CNTNAP5: variants seen among roughly 807,000 people sequenced by gnomAD.
The protein encoded by CNTNAP5 is contactin associated protein family member 5.
In CNTNAP5, 72 loss-of-function variants were observed where a neutral mutation model predicts 150.2. That is an observed-to-expected ratio of 0.48 (90% CI 0.40 to 0.58). The LOEUF (loss-of-function observed/expected upper bound fraction) is 0.58, where lower values mean the gene tolerates loss of function less well. Among genes scored for constraint, CNTNAP5 ranks in the 20% least tolerant of loss-of-function variants. The pLI, the probability that CNTNAP5 is intolerant of heterozygous loss-of-function variation, is 0.00. For missense variants in CNTNAP5, 1,636 were observed against 1,626.2 expected (o/e 1.01, Z -0.10); for synonymous variants, 672 against 619.8 (o/e 1.08, Z -1.25).
chr2:124,105,521 C>G (rs1429769174), intron 1 of CNTNAP5, among the ~76,000 whole-genome samples: 1 of 152,056 alleles, frequency 6.6e-6, no homozygotes, highest in African/African-American at 2.4e-5. Flanking sequence ...ATTTTTCTGA[C>G]CTACTCAAGT....
In CNTNAP5 at chr2:124,238,495, G is replaced by T. The variant is rs184211619; in HGVS notation, c.188-3705G>T. Among the ~76,000 whole-genome samples, 486 of 152,188 alleles carry T rather than the reference G, an allele frequency of 3.2e-3. 6 individuals are homozygous for T. Among genetic ancestry groups the T allele is most frequent in the Middle Eastern group, 0.02 (6 of 294 alleles). The stretch of plus-strand genomic sequence containing the variant: ...AAGACATAGCCTCCAAATCATTTTG[G>T]ATCTTTTGTTTGTCAAACATTTAAA... On this transcript the variant is annotated intron_variant, in intron 2 of 23. Transcript: ENST00000682447.
At chr2:124,547,185 G>A in intron 10 of CNTNAP5, among the ~76,000 whole-genome samples, 1 of 152,166 alleles carries the variant, frequency 6.6e-6, no homozygotes, top group East Asian at 1.9e-4. Context: ...GGCAGGCTTT[G>A]GGCTCAATAG....
At chr2:124,088,895 G>C (rs1682758013) in intron 1 of CNTNAP5, among the ~76,000 whole-genome samples, 1 of 152,176 alleles carries the variant, frequency 6.6e-6, no homozygotes, top group Non-Finnish European at 1.5e-5. Context: ...CATGAGTAAA[G>C]ATAGAGCCAC....
chr2:124,585,929 A>G (rs2104953987), intron 11 of CNTNAP5, among the ~76,000 whole-genome samples: 1 of 152,248 alleles, frequency 6.6e-6, no homozygotes, highest in East Asian at 1.9e-4. Context: ...CAACAACAGT[A>G]TCACTTGGTT....
chr2:124,433,328 G>A (rs1203991860), intron 4 of CNTNAP5, among the ~76,000 whole-genome samples: 1 of 152,132 alleles, frequency 6.6e-6, no homozygotes. Flanking sequence ...CAACATTTTG[G>A]TTAGGACACT....
chr2:124,872,415 T>TGTGTGC (rs1553450844), intron 21 of CNTNAP5, among the ~76,000 whole-genome samples: 1 of 144,004 alleles, frequency 6.9e-6, no homozygotes, highest in Non-Finnish European at 1.5e-5. Context: ...TGTGTGTGTG[T>TGTGTGC]GCGTGCATGT....
intron 1 of CNTNAP5, among the ~76,000 whole-genome samples, chr2:124,170,832 G>A (rs964703996): frequency 3.3e-5 from 5 of 151,892 alleles, no homozygotes; most frequent in Non-Finnish European, 7.4e-5. Flanking sequence ...AGAACAAATA[G>A]ACAGAGGGAG....
intron 17 of CNTNAP5, among the ~76,000 whole-genome samples, chr2:124,782,121 G>A (rs543075150): frequency 1.9e-4 from 28 of 151,180 alleles, no homozygotes; most frequent in South Asian, 2.1e-4. Flanking sequence ...TCCCCTTTCC[G>A]TCAGAGCATA....
chr2:124,394,334 T>C lies in CNTNAP5; in HGVS notation c.382-23109T>C, dbSNP rs1474108527. Among the ~76,000 whole-genome samples the C allele has an allele frequency of 8.4e-5, 12 of 142,904 alleles. No homozygotes were observed. The East Asian group carries it at 2.5e-3, about 29-fold the overall frequency. The allele number at this position is 142,904 out of a possible 152,430, so 93.8% of individuals were successfully genotyped here. A position where few individuals can be genotyped will look rare whatever the true frequency, so the allele number is the denominator to read the frequency against. On this transcript the variant is annotated intron_variant, in intron 3 of 23. Coordinates refer to ENST00000682447, the MANE Select transcript of CNTNAP5 (RefSeq NM_001367498.1). Reference sequence around the variant, plus strand: ...TTTCAGATAGCTGAGATGGTGCCACTGCACTCCAGCCTGGGTGACAGAGTG... The same window carrying C: ...TTTCAGATAGCTGAGATGGTGCCACCGCACTCCAGCCTGGGTGACAGAGTG...
chr2:124,701,076 G>T (rs989745323), intron 13 of CNTNAP5, among the ~76,000 whole-genome samples: 1 of 151,854 alleles, frequency 6.6e-6, no homozygotes, highest in Non-Finnish European at 1.5e-5. Context: ...TTACCTGTAT[G>T]GTCCTCATAA....
At chr2:124,510,506 T>TATATATATAC (rs1558933562) in intron 8 of CNTNAP5, among the ~76,000 whole-genome samples, 1 of 63,464 alleles carries the variant, frequency 1.6e-5, no homozygotes, top group Non-Finnish European at 3.2e-5. Flanking sequence ...TATATATATA[T>TATATATATAC]ATATATATAT....
rs1243782924 is a variant in CNTNAP5 at position 124,917,645 on chromosome 2, G to A, written c.*3357G>A. Among the ~76,000 whole-genome samples the A allele has an allele frequency of 6.6e-6, 1 of 151,926 alleles. No individual in the cohort carries two copies. The highest frequency in any genetic ancestry group is 1.9e-4 in the East Asian group (1 of 5,150). ...TTTGTCAGACTCATCTCCACCAACG[G>A]GTAGCAAGAGCAGGATAGAACAAAA... On this transcript the variant is annotated 3_prime_UTR_variant, in exon 24 of 24. Transcript: ENST00000682447.
chr2:124,905,395 A>G (rs1334163217), intron 22 of CNTNAP5, among the ~76,000 whole-genome samples: 1 of 151,824 alleles, frequency 6.6e-6, no homozygotes, highest in Non-Finnish European at 1.5e-5. Flanking sequence ...AAATATTAAA[A>G]CTCGAATCCT....
In CNTNAP5 at chr2:124,535,409, G is replaced by A. The variant is rs578223932; in HGVS notation, c.1649+7953G>A. On this transcript the variant is annotated intron_variant, in intron 10 of 23. Coordinates refer to ENST00000682447, the MANE Select transcript of CNTNAP5 (RefSeq NM_001367498.1). ...GGAGCACCACATTACATTTCTTGTG[G>A]CAAACAAGTTATGAAATGTAGCTTC... is the stretch of plus-strand genomic sequence containing the variant. 3.9e-5 allele frequency among the ~76,000 whole-genome samples: 6 copies of A among 152,216 alleles called. No homozygotes were observed. The South Asian group carries it at 1.2e-3, about 32-fold the overall frequency.
At chr2:124,285,684 T>A (rs542370689) in intron 3 of CNTNAP5, among the ~76,000 whole-genome samples, 3 of 150,356 alleles carry the variant, frequency 2.0e-5, no homozygotes, top group Admixed American at 2.0e-4. Context: ...GTACCTGTAG[T>A]CAGAGTTACT....
chr2:124,607,610 G>A (rs564945000), intron 11 of CNTNAP5, among the ~76,000 whole-genome samples: 10 of 152,292 alleles, frequency 6.6e-5, no homozygotes, highest in South Asian at 4.1e-4. Flanking sequence ...AGGTTGCCTA[G>A]CACAGGTGGG....
chr2:124,309,425 G>T lies in CNTNAP5; in HGVS notation c.381+67032G>T, dbSNP rs555966989. Among the ~76,000 whole-genome samples the T allele has an allele frequency of 2.3e-3, 350 of 152,334 alleles. 1 individual carries two copies. Among genetic ancestry groups the T allele is most frequent in the African/African-American group, 8.2e-3 (339 of 41,580 alleles). ...AAAATTGATAGAGGAGGCATGTCAG[G>T]AGTGAGATTGTTTGATGCCAGTGAA... On this transcript the variant is annotated intron_variant, in intron 3 of 23. Coordinates refer to ENST00000682447, the MANE Select transcript of CNTNAP5 (RefSeq NM_001367498.1).
At chr2:124,307,021 G>A (rs537047570) in intron 3 of CNTNAP5, among the ~76,000 whole-genome samples, 2 of 152,004 alleles carry the variant, frequency 1.3e-5, no homozygotes, top group African/African-American at 4.8e-5. Context: ...AGCCACTGCA[G>A]CCAGCCTGGT....
In CNTNAP5 at chr2:124,519,499, G is replaced by A. The variant is rs186769435; in HGVS notation, c.1328-4804G>A. On this transcript the variant is annotated intron_variant, in intron 8 of 23. Coordinates refer to ENST00000682447, the MANE Select transcript of CNTNAP5 (RefSeq NM_001367498.1). ...GGAGTTGCCAGCATGATGAGCAAAA[G>A]GAGCTCAGCTCCAGTACCCACACTT... 2.3e-4 allele frequency among the ~76,000 whole-genome samples: 35 copies of A among 152,280 alleles called. No homozygotes were observed. In the East Asian group the frequency reaches 5.8e-3, roughly 25 times the overall value.
Sources: gnomAD v4.1 joint callset for allele counts (sites outside exome capture counted in the v4.1 genomes callset) on GRCh38, gnomAD v4.1.1 for gene constraint, MANE v1.5 for transcripts, NCBI Gene and HGNC (gene_info 2026-07-23, HGNC 2026-07-21) for gene names.